Variants in CDKN1B observed in about 807,000 individuals in gnomAD.
CDKN1B encodes the protein cyclin-dependent kinase inhibitor 1B.
CDKN1B carries 7 observed loss-of-function variants against 17.1 expected under a neutral mutation model. The ratio of observed to expected loss-of-function variants is 0.41; its 90% CI spans 0.23 to 0.77. The LOEUF (loss-of-function observed/expected upper bound fraction) is 0.77, where lower values mean the gene tolerates loss of function less well. Ranked by LOEUF, CDKN1B falls within the 30% of genes least tolerant of loss-of-function variation. The pLI, the probability that CDKN1B is intolerant of heterozygous loss-of-function variation, is 0.33. For synonymous variants in CDKN1B, 149 were observed against 104.3 expected (o/e 1.43, Z -2.61); for missense variants, 337 against 262.0 (o/e 1.29, Z -1.98).
Position 12,717,520 on chromosome 12 carries a change from C to T in CDKN1B, c.-320C>T. ...AAGGTTTGGAGAGCGGCTGGGTTCG[C>T]GGGACCCGCGGGCTTGCACCCGCCC... is the stretch of plus-strand genomic sequence containing the variant. On this transcript the variant is annotated 5_prime_UTR_variant, in exon 1 of 3. Transcript: ENST00000228872. The T allele has an allele frequency of 7.3e-7, 1 of 1,378,330 alleles. No individual in the cohort carries two copies. Among genetic ancestry groups the T allele is most frequent in the Admixed American group, 3.1e-5 (1 of 32,458 alleles). 85.4% of individuals were successfully genotyped at this position (1,378,330 alleles called of 1,614,324 possible).
intron 2 of CDKN1B, chr12:12,719,536 G>A (rs1946520904): frequency 6.7e-6 from 1 of 149,754 alleles, no homozygotes; most frequent in Non-Finnish European, 1.5e-5. Context: ...GGAGAGAGAA[G>A]GAACCAGTAT....
rs1946511850 is a variant in CDKN1B at position 12,718,856 on chromosome 12, A to G, written c.507A>G (p.Arg169=). ...CTACTCAAAACAAAAGAGCCAACAGAACAGAAGAAAATGTTTCAGACGGTT... is the reference window on the plus strand; with the variant it reads ...CTACTCAAAACAAAAGAGCCAACAGGACAGAAGAAAATGTTTCAGACGGTT... ...DSSTQNKRAN[R]TEENVSDGSP... The change falls in exon 2 of 3, where the codon AGA becomes AGG. Residue 169 remains arginine, a synonymous_variant. Transcript: ENST00000228872. 6.2e-7 allele frequency: 1 copy of G among 1,614,004 alleles called. No individual in the cohort carries two copies. Among genetic ancestry groups the G allele is most frequent in the African/African-American group, 1.3e-5 (1 of 74,892 alleles).
At position 12,718,597 on chromosome 12, in the gene CDKN1B, C is replaced by T. The variant is rs538227749; in HGVS notation, c.476-228C>T. On this transcript the variant is annotated intron_variant, in intron 1 of 2. Transcript: ENST00000228872. ...GTGACAAAGTTGGGATGTTTATCAA[C>T]GGTCCGCCTCCTGGCTAGGGAAAGA... Among the ~76,000 whole-genome samples the T allele has an allele frequency of 2.6e-5, 4 of 152,254 alleles. No individual in the cohort carries two copies. The East Asian group carries it at 7.7e-4, about 29-fold the overall frequency.
rs2136357386 is a variant in CDKN1B, at chr12:12,718,888, A to T, written c.539A>T (p.Asn180Ile). The change falls in exon 2 of 3, where the codon AAT becomes ATT. Residue 180 changes from asparagine (N) to isoleucine (I), a missense_variant. By Grantham distance (149) the Asn-to-Ile change is moderately radical (BLOSUM62 -3). Transcript: ENST00000228872. ...GAAAATGTTTCAGACGGTTCCCCAA[A>T]TGCCGGTTCTGTGGAGCAGACGCCC... is the stretch of plus-strand genomic sequence containing the variant. ...TEENVSDGSP[N>I]AGSVEQTPKK... 6.2e-7 allele frequency: 1 copy of T among 1,614,178 alleles called. No individual in the cohort carries two copies. Among genetic ancestry groups the T allele is most frequent in the Non-Finnish European group, 8.5e-7 (1 of 1,180,032 alleles).
chr12:12,717,431 C>CG lies in CDKN1B; in HGVS notation c.-405dup. ...ACTAAAAAAAGGGGGCTCGTCTTTT[C>CG]GGGGTGTTTTTCTCCCCCTCCCCTG... On this transcript the variant is annotated 5_prime_UTR_variant, in exon 1 of 3. Transcript: ENST00000228872. 2 of 1,240,066 alleles carry CG rather than the reference C, an allele frequency of 1.6e-6. No homozygotes were observed. The highest frequency in any genetic ancestry group is 4.1e-5 in the South Asian group (2 of 48,834). 76.8% of individuals were successfully genotyped at this position (1,240,066 alleles called of 1,614,324 possible). A position where few individuals can be genotyped will look rare whatever the true frequency, so the allele number is the denominator to read the frequency against.
In CDKN1B at chr12:12,717,898, A is replaced by G. The variant is rs1169150313; in HGVS notation, c.59A>G (p.Gln20Arg). The G allele has an allele frequency of 6.2e-7, 1 of 1,614,094 alleles. No homozygotes were observed. The highest frequency in any genetic ancestry group is 8.5e-7 in the Non-Finnish European group (1 of 1,180,036). ...AGCCTGGAGCGGATGGACGCCAGGC[A>G]GGCGGAGCACCCCAAGCCCTCGGCC... ...SPSLERMDAR[Q>R]AEHPKPSACR... Residue 20 changes from glutamine to arginine, a missense_variant, in exon 1 of 3, where the codon CAG becomes CGG. Coordinates refer to ENST00000228872, the MANE Select transcript of CDKN1B (RefSeq NM_004064.5).
chr12:12,718,481 G>A (rs1371383630), intron 1 of CDKN1B, among the ~76,000 whole-genome samples, 167 bp downstream of exon 1: 2 of 152,092 alleles, frequency 1.3e-5, no homozygotes, highest in Non-Finnish European at 2.9e-5. Flanking sequence ...GTCTGTTTGT[G>A]ACTTTTAAGT....
chr12:12,718,546 C>T (rs926383558), intron 1 of CDKN1B, among the ~76,000 whole-genome samples: 1 of 152,142 alleles, frequency 6.6e-6, no homozygotes, highest in Non-Finnish European at 1.5e-5. Flanking sequence ...ACATCGCGGT[C>T]CCTCTCACTA....
rs878854623 is a variant in CDKN1B, at chr12:12,718,294, G to A, written c.455G>A (p.Arg152Lys). ...TGLAEQCAGI[R>K]KRPATDDSST... is the part of the protein sequence containing the mutation. ...TTAGCGGAGCAATGCGCAGGAATAA[G>A]GAAGCGACCTGCAACCGACGGTAAT... Residue 152 changes from arginine (R) to lysine (K), a missense_variant, in exon 1 of 3, where the codon AGG becomes AAG. Physicochemically the swap from Arg to Lys is conservative, Grantham distance 26 (BLOSUM62 2). Coordinates refer to ENST00000228872, the MANE Select transcript of CDKN1B (RefSeq NM_004064.5). 3.1e-6 allele frequency: 5 copies of A among 1,604,018 alleles called. No homozygotes were observed. Among genetic ancestry groups the A allele is most frequent in the African/African-American group, 2.7e-5 (2 of 74,954 alleles).
chr12:12,717,666 C>A lies in CDKN1B; in HGVS notation c.-174C>A. On this transcript the variant is annotated 5_prime_UTR_variant, in exon 1 of 3. Transcript: ENST00000228872. ...CGGCCGGGCCGGGGCTTCCCCGCAG[C>A]CCCTGCGCGCTCCTAGAGCTCGGGC... is the stretch of plus-strand genomic sequence containing the variant. 1.3e-5 allele frequency: 20 copies of A among 1,492,706 alleles called. No individual in the cohort carries two copies. Among genetic ancestry groups the A allele is most frequent in the South Asian group, 9.1e-5 (7 of 76,660 alleles). The allele number at this position is 1,492,706 out of a possible 1,614,324, so 92.5% of individuals were successfully genotyped here. A position where few individuals can be genotyped will look rare whatever the true frequency, so the allele number is the denominator to read the frequency against.
At chr12:12,719,066 T>G in intron 2 of CDKN1B, 112 bp downstream of exon 2, 5 of 1,414,464 alleles carry the variant, frequency 3.5e-6, no homozygotes, top group Non-Finnish European at 2.9e-6. Context: ...TTGTTTTGTT[T>G]ATACTTCGTG....
At chr12:12,719,391 C>A in intron 2 of CDKN1B, 1 of 204,278 alleles carries the variant, frequency 4.9e-6, no homozygotes, top group South Asian at 7.5e-5. Context: ...GATTAAGTTT[C>A]AATTTTGAGG....
rs751657844 is a variant in CDKN1B at position 12,718,314 on chromosome 12, G to A, written c.475G>A (p.Asp159Asn). The stretch of plus-strand genomic sequence containing the variant: ...AATAAGGAAGCGACCTGCAACCGAC[G>A]GTAATGACCCTTTCCCAACCATAGA... ...AGIRKRPATD[D>N]SSTQNKRANR... The change falls in exon 1 of 3, where the codon GAT (aspartate) becomes AAT (asparagine). Residue 159 changes from aspartate (D) to asparagine (N), a missense_variant and splice_region_variant. Physicochemically the swap from Asp to Asn is conservative, Grantham distance 23. Transcript: ENST00000228872. The A allele has an allele frequency of 7.5e-6, 12 of 1,600,544 alleles. No homozygotes were observed. Among genetic ancestry groups the A allele is most frequent in the Admixed American group, 1.7e-5 (1 of 59,974 alleles).
chr12:12,721,191 T>C lies in CDKN1B; in HGVS notation c.*164T>C. 1 of 769,214 alleles carries C rather than the reference T, an allele frequency of 1.3e-6. No homozygotes were observed. The allele number at this position is 769,214 out of a possible 1,614,324, so 47.6% of individuals were successfully genotyped here. ...CAACAACACAATAACACTAAAATTT[T>C]AGGCACTCTTAAATGATCTGCCTCT... On this transcript the variant is annotated 3_prime_UTR_variant, in exon 3 of 3. Transcript: ENST00000228872.
chr12:12,720,113 TA>T (rs1946527561), intron 2 of CDKN1B, among the ~76,000 whole-genome samples: 1 of 152,216 alleles, frequency 6.6e-6, no homozygotes, highest in Non-Finnish European at 1.5e-5. Flanking sequence ...AAAACGGCAC[TA>T]TAGAACCTCC....
chr12:12,722,280 C>T lies in CDKN1B; in HGVS notation c.*1253C>T, dbSNP rs781455059. 6.6e-6 allele frequency: 1 copy of T among 152,572 alleles called. No individual in the cohort carries two copies. The highest frequency in any genetic ancestry group is 1.5e-5 in the Non-Finnish European group (1 of 68,024). The allele number at this position is 152,572 out of a possible 1,614,324, so 9.5% of individuals were successfully genotyped here. On this transcript the variant is annotated 3_prime_UTR_variant, in exon 3 of 3. Coordinates refer to ENST00000228872, the MANE Select transcript of CDKN1B (RefSeq NM_004064.5). ...ATGGCTATGCTTAAAAGGTTGCATA[C>T]TGAGCCAAGTATAATTTTTTGTAAT...
chr12:12,720,918 CTTT>C, intron 2 of CDKN1B, 115 bp from the exon 3 acceptor site: 2 of 545,538 alleles, frequency 3.7e-6, no homozygotes, highest in East Asian at 6.1e-5. Context: ...AGTCATCAAA[CTTT>C]TTTCCCCATC....
rs1303942410 is a variant in CDKN1B at position 12,721,664 on chromosome 12, C to T, written c.*637C>T. On this transcript the variant is annotated 3_prime_UTR_variant, in exon 3 of 3. Coordinates refer to ENST00000228872, the MANE Select transcript of CDKN1B (RefSeq NM_004064.5). ...AAAAAGCAACAGAAACCTATCCTCACTGCCCTCCCCAGTCTCTCTTAAAGT... is the reference window on the plus strand; with the variant it reads ...AAAAAGCAACAGAAACCTATCCTCATTGCCCTCCCCAGTCTCTCTTAAAGT... The T allele has an allele frequency of 6.6e-6, 1 of 152,510 alleles. No homozygotes were observed. The highest frequency in any genetic ancestry group is 1.5e-5 in the Non-Finnish European group (1 of 68,228). The allele number at this position is 152,510 out of a possible 1,614,324, so 9.4% of individuals were successfully genotyped here.
chr12:12,720,599 G>C (rs1387672901), intron 2 of CDKN1B, among the ~76,000 whole-genome samples: 1 of 152,108 alleles, frequency 6.6e-6, no homozygotes, highest in Non-Finnish European at 1.5e-5. Flanking sequence ...CTTTGACCTA[G>C]ATTATTTAGA....
Sources: allele counts gnomAD v4.1 joint callset (sites outside exome capture counted in the v4.1 genomes callset), GRCh38; gene constraint gnomAD v4.1.1; transcripts MANE v1.5; gene names NCBI Gene and HGNC (gene_info 2026-07-23, HGNC 2026-07-21).